MAMDC2: variants seen among roughly 807,000 people sequenced by gnomAD.
MAMDC2 encodes MAM domain containing 2.
In MAMDC2, 57 loss-of-function variants were observed where a neutral mutation model predicts 89.8. That is an observed-to-expected ratio of 0.63 (90% CI 0.51 to 0.79). The LOEUF (loss-of-function observed/expected upper bound fraction) is 0.79, where lower values mean the gene tolerates loss of function less well. Ranked by LOEUF, MAMDC2 falls within the 30% of genes least tolerant of loss-of-function variation. MAMDC2 has a pLI of 0.00. For missense variants in MAMDC2, 800 were observed against 820.6 expected, an observed-to-expected ratio of 0.97 and a Z score of 0.31; for synonymous variants, 313 against 293.4, an observed-to-expected ratio of 1.07 and a Z score of -0.68.
At chr9:70,211,545 T>G (rs2033354083) in intron 11 of MAMDC2, among the ~76,000 whole-genome samples, 1 of 152,218 alleles carries the variant, frequency 6.6e-6, no homozygotes, top group Non-Finnish European at 1.5e-5. Flanking sequence ...TTTTCAAGGT[T>G]TTTAGCTTCT....
chr9:70,225,805 A>T lies in MAMDC2; in HGVS notation c.1967A>T (p.Asp656Val). 6.2e-7 allele frequency: 1 copy of T among 1,611,268 alleles called. No homozygotes were observed. The highest frequency in any genetic ancestry group is 8.5e-7 in the Non-Finnish European group (1 of 1,177,714). ...VSIRSDIAID[D>V]VKFQAGPCGE... Reference sequence around the variant, plus strand: ...ATAAGAAGTGATATTGCCATTGATGATGTTAAATTTCAGGCAGGACCCTGT... The same window carrying T: ...ATAAGAAGTGATATTGCCATTGATGTTGTTAAATTTCAGGCAGGACCCTGT... The change falls in exon 13 of 14, where the codon GAT (aspartate) becomes GTT (valine). Residue 656 changes from aspartate (D) to valine (V), a missense_variant. Asp to Val is a radical substitution (Grantham distance 152). Coordinates refer to ENST00000377182, the MANE Select transcript of MAMDC2 (RefSeq NM_153267.5).
chr9:70,217,979 C>G (rs1480011309), intron 11 of MAMDC2, among the ~76,000 whole-genome samples: 1 of 152,164 alleles, frequency 6.6e-6, no homozygotes, highest in African/African-American at 2.4e-5. Context: ...GACTACAAAA[C>G]CCACCCTCTC....
intron 11 of MAMDC2, among the ~76,000 whole-genome samples, chr9:70,173,488 T>C (rs1004209839): frequency 8.5e-5 from 13 of 152,164 alleles, no homozygotes; most frequent in African/African-American, 4.8e-5. Flanking sequence ...GGTGGAAAGG[T>C]ATCTATTTAT....
chr9:70,216,748 T>A (rs1049960183), intron 11 of MAMDC2, among the ~76,000 whole-genome samples: 2 of 152,226 alleles, frequency 1.3e-5, no homozygotes, highest in African/African-American at 2.4e-5. Context: ...GGGCCTTTTT[T>A]AAAATGGGCC....
At chr9:70,044,994 CGCTGTGGGCCTCTGCAGGCACACCA>C (rs1029578430) in intron 2 of MAMDC2, among the ~76,000 whole-genome samples, 4 of 152,300 alleles carry the variant, frequency 2.6e-5, no homozygotes, top group East Asian at 1.9e-4. Context: ...GATTGTTCTC[CGCTGTGGGCCTCTGCAGGCACACCA>C]GCTGTGTGCC....
chr9:70,196,544 T>C (rs2032978207), intron 11 of MAMDC2, among the ~76,000 whole-genome samples: 1 of 152,030 alleles, frequency 6.6e-6, no homozygotes, highest in Non-Finnish European at 1.5e-5. Flanking sequence ...AAGTAAGGGA[T>C]GGTTACATAG....
intron 12 of MAMDC2, among the ~76,000 whole-genome samples, 176 bp downstream of exon 12, chr9:70,218,772 CAGGG>C (rs1390896692): frequency 3.3e-5 from 5 of 152,166 alleles, no homozygotes; most frequent in African/African-American, 1.2e-4. Flanking sequence ...TAAGCAGTGA[CAGGG>C]AGAGAAAGCT....
At position 70,218,554 on chromosome 9, in the gene MAMDC2, G is replaced by A. The variant is rs1587582069; in HGVS notation, c.1869G>A (p.Trp623Ter). The stretch of plus-strand genomic sequence containing the variant: ...GAAGAGGTGAACAGAGCATTTCCTG[G>A]CTACGAGCACTGATTGAATACAGCT... ...WRRRGEQSIS[W>*]LRALIEYSCE... is the part of the protein sequence containing the mutation. Residue 623 changes from tryptophan (W) to a stop codon, truncating the protein, a stop_gained, in exon 12 of 14, where the codon TGG (tryptophan) becomes TGA (stop). Transcript: ENST00000377182. LOFTEE classifies it high-confidence loss of function. 6.2e-7 allele frequency: 1 copy of A among 1,614,060 alleles called. No homozygotes were observed. Among genetic ancestry groups the A allele is most frequent in the Non-Finnish European group, 8.5e-7 (1 of 1,179,982 alleles).
chr9:70,104,676 G>A (rs1249665158), intron 2 of MAMDC2, among the ~76,000 whole-genome samples: 2 of 152,148 alleles, frequency 1.3e-5, no homozygotes, highest in African/African-American at 2.4e-5. Flanking sequence ...GGTGAAAGAA[G>A]CTAGTCACAA....
intron 2 of MAMDC2, among the ~76,000 whole-genome samples, chr9:70,081,161 G>A (rs1827643459): frequency 6.6e-6 from 1 of 152,168 alleles, no homozygotes; most frequent in Non-Finnish European, 1.5e-5. Context: ...ATGGGACAGG[G>A]AAGGGGAAGA....
intron 5 of MAMDC2, among the ~76,000 whole-genome samples, chr9:70,118,679 A>AT (rs2030130748): frequency 6.6e-6 from 1 of 152,176 alleles, no homozygotes; most frequent in African/African-American, 2.4e-5. Flanking sequence ...TCTTGTGTTC[A>AT]TTCATATACC....
At chr9:70,177,597 A>G (rs930412850) in intron 11 of MAMDC2, among the ~76,000 whole-genome samples, 3 of 152,176 alleles carry the variant, frequency 2.0e-5, no homozygotes, top group African/African-American at 7.2e-5. Flanking sequence ...TCCTTTCCAC[A>G]ACCTGTAAGG....
chr9:70,100,145 C>T (rs1439203243), intron 2 of MAMDC2, among the ~76,000 whole-genome samples: 1 of 152,074 alleles, frequency 6.6e-6, no homozygotes, highest in Non-Finnish European at 1.5e-5. Flanking sequence ...GACATAGGAG[C>T]ACTAACATTT....
intron 7 of MAMDC2, 135 bp downstream of exon 7, chr9:70,131,747 A>C: frequency 1.5e-6 from 1 of 688,934 alleles, no homozygotes; most frequent in Non-Finnish European, 2.4e-6. Flanking sequence ...TATTTAATCA[A>C]AGGTCATTTT....
chr9:70,220,615 C>G (rs939840852), intron 12 of MAMDC2, among the ~76,000 whole-genome samples: 5 of 152,204 alleles, frequency 3.3e-5, no homozygotes, highest in Admixed American at 3.3e-4. Context: ...TCAACTGATC[C>G]TATTTCCCCA....
intron 6 of MAMDC2, among the ~76,000 whole-genome samples, chr9:70,129,495 C>T (rs1587497713): frequency 6.6e-6 from 1 of 152,118 alleles, no homozygotes; most frequent in South Asian, 2.1e-4. Context: ...TCCAGGCCCA[C>T]CTAGCTAATA....
In MAMDC2 at chr9:70,127,840, T is replaced by C. The variant is rs1490850252; in HGVS notation, c.900+1425T>C. On this transcript the variant is annotated intron_variant, in intron 6 of 13. Coordinates refer to ENST00000377182, the MANE Select transcript of MAMDC2 (RefSeq NM_153267.5). ...GGTTACGAGGAGGAAAAGAAATGCATGTACTGCTTCAAAAGTTTCCCGTCA... is the reference window on the plus strand; with the variant it reads ...GGTTACGAGGAGGAAAAGAAATGCACGTACTGCTTCAAAAGTTTCCCGTCA... Among the ~76,000 whole-genome samples, 8 of 152,282 alleles carry C rather than the reference T, an allele frequency of 5.3e-5. No individual in the cohort carries two copies. The East Asian group carries it at 1.2e-3, about 22-fold the overall frequency.
At chr9:70,149,616 T>C (rs981704890) in intron 9 of MAMDC2, among the ~76,000 whole-genome samples, 1 of 152,198 alleles carries the variant, frequency 6.6e-6, no homozygotes, top group Non-Finnish European at 1.5e-5. Context: ...GTCCACTGGC[T>C]ACACTTTCAG....
At chr9:70,225,026 T>C (rs1361114634) in intron 12 of MAMDC2, among the ~76,000 whole-genome samples, 2 of 152,216 alleles carry the variant, frequency 1.3e-5, no homozygotes, top group Non-Finnish European at 2.9e-5. Context: ...AGAGCAAATG[T>C]GTCTTCTGAA....
Sources: allele counts gnomAD v4.1 joint callset (sites outside exome capture counted in the v4.1 genomes callset), GRCh38; gene constraint gnomAD v4.1.1; transcripts MANE v1.5; gene names NCBI Gene and HGNC (gene_info 2026-07-23, HGNC 2026-07-21).